The following SPTLC1 variants were observed in gnomAD, a reference collection of about 807,000 sequenced individuals.
SPTLC1 encodes serine palmitoyltransferase long chain base subunit 1, also known as serine palmitoyltransferase 1.
A neutral mutation model predicts 68.9 loss-of-function variants in SPTLC1; 55 were observed. That is an observed-to-expected ratio of 0.80 (90% CI 0.64 to 1.00). SPTLC1 has a LOEUF of 1.00. SPTLC1 is among the 50% of genes least tolerant of loss of function. The pLI, the probability that SPTLC1 is intolerant of heterozygous loss-of-function variation, is 0.00. For synonymous variants in SPTLC1, 197 were observed against 201.6 expected (o/e 0.98, Z 0.19); for missense variants, 449 against 573.1 (o/e 0.78, Z 2.21).
At chr9:92,071,435 A>G (rs1316267436) in intron 5 of SPTLC1, among the ~76,000 whole-genome samples, 1 of 152,136 alleles carries the variant, frequency 6.6e-6, no homozygotes, top group East Asian at 1.9e-4. Flanking sequence ...ATATCCCTAG[A>G]GACATGCACA....
At chr9:92,078,547 C>A (rs565754393) in intron 5 of SPTLC1, among the ~76,000 whole-genome samples, 2 of 152,168 alleles carry the variant, frequency 1.3e-5, no homozygotes, top group Non-Finnish European at 2.9e-5. Flanking sequence ...CAGCCTCAAC[C>A]TCCTAGGATC....
chr9:92,070,607 G>A (rs1197092608), intron 5 of SPTLC1, among the ~76,000 whole-genome samples: 3 of 151,988 alleles, frequency 2.0e-5, no homozygotes, highest in East Asian at 1.9e-4. Context: ...TCACTATCTC[G>A]GTCATCACAG....
intron 3 of SPTLC1, among the ~76,000 whole-genome samples, chr9:92,083,920 G>A (rs1835004343): frequency 6.6e-6 from 1 of 152,146 alleles, no homozygotes; most frequent in African/African-American, 2.4e-5. Flanking sequence ...ATTTCCTTGA[G>A]CAGTGGTTTG....
In SPTLC1 at chr9:92,079,590, G is replaced by C. The variant is rs776542549; in HGVS notation, c.427+426C>G. 1.1e-5 allele frequency: 17 copies of C among 1,587,842 alleles called. No homozygotes were observed. In the Admixed American group the frequency reaches 1.5e-4, roughly 14 times the overall value. ...TTCTAGAAAGATAAAAAACTACACT[G>C]TTTATCCCCCCTCCCTCCACCCCAG... On this transcript the variant is annotated intron_variant, in intron 5 of 14. Transcript: ENST00000262554.
At chr9:92,032,925 T>C (rs1338178662) in intron 14 of SPTLC1, among the ~76,000 whole-genome samples, 3 of 151,776 alleles carry the variant, frequency 2.0e-5, no homozygotes, top group Non-Finnish European at 2.9e-5. Flanking sequence ...GAATTATCTA[T>C]GTGAGGTGAG....
intron 9 of SPTLC1, among the ~76,000 whole-genome samples, chr9:92,049,315 A>C (rs1833625897): frequency 2.0e-5 from 3 of 152,186 alleles, no homozygotes; most frequent in Admixed American, 2.0e-4. Flanking sequence ...GGTTGGTAAG[A>C]CAGCTGTTCA....
intron 11 of SPTLC1, 145 bp from the exon 12 acceptor site, chr9:92,046,198 C>G: frequency 1.4e-6 from 1 of 726,902 alleles, no homozygotes. Flanking sequence ...AACCCATACT[C>G]CCCTGAAGGC....
chr9:92,078,244 C>A (rs1834753101), intron 5 of SPTLC1, among the ~76,000 whole-genome samples: 1 of 152,182 alleles, frequency 6.6e-6, no homozygotes, highest in Non-Finnish European at 1.5e-5. Flanking sequence ...CCTCAGCAAG[C>A]AGTCACAGAA....
At chr9:92,077,795 C>G (rs775198734) in intron 5 of SPTLC1, among the ~76,000 whole-genome samples, 5 of 152,204 alleles carry the variant, frequency 3.3e-5, no homozygotes, top group Non-Finnish European at 7.3e-5. Flanking sequence ...CCACCCTTAA[C>G]TCTCTCAGAA....
chr9:92,097,415 G>A (rs544413183), intron 3 of SPTLC1, among the ~76,000 whole-genome samples: 16 of 152,092 alleles, frequency 1.1e-4, no homozygotes, highest in South Asian at 2.1e-4. Flanking sequence ...ATACTCTTAC[G>A]AGGGAAAAAA....
chr9:92,063,778 C>A (rs1834183971), intron 6 of SPTLC1, among the ~76,000 whole-genome samples: 1 of 151,938 alleles, frequency 6.6e-6, no homozygotes, highest in Non-Finnish European at 1.5e-5. Flanking sequence ...TCAACCAATA[C>A]AGAAAAAGTA....
At chr9:92,052,265 A>G (rs906867916) in intron 8 of SPTLC1, among the ~76,000 whole-genome samples, 3 of 152,236 alleles carry the variant, frequency 2.0e-5, no homozygotes, top group African/African-American at 7.2e-5. Context: ...AACAGAATAG[A>G]GTCTAGAAAT....
intron 3 of SPTLC1, among the ~76,000 whole-genome samples, chr9:92,089,795 A>C (rs1200174130): frequency 6.6e-6 from 1 of 152,238 alleles, no homozygotes; most frequent in Non-Finnish European, 1.5e-5. Flanking sequence ...AATTACAAGA[A>C]GACACATGAC....
intron 12 of SPTLC1, chr9:92,038,600 G>T: frequency 3.7e-6 from 2 of 534,808 alleles, no homozygotes; most frequent in Non-Finnish European, 6.8e-6. Context: ...GCAGGACCGG[G>T]TCTCATGGCC....
intron 3 of SPTLC1, among the ~76,000 whole-genome samples, chr9:92,097,295 A>C (rs537337975): frequency 6.6e-6 from 1 of 152,368 alleles, no homozygotes. Context: ...ATCACATGAC[A>C]CAGCAATCCT....
chr9:92,072,040 A>G (rs974195801), intron 5 of SPTLC1, among the ~76,000 whole-genome samples: 2 of 152,070 alleles, frequency 1.3e-5, no homozygotes, highest in African/African-American at 4.8e-5. Flanking sequence ...CCCTTTTCAT[A>G]CTTAGCTCAC....
intron 12 of SPTLC1, 112 bp downstream of exon 12, chr9:92,045,887 C>T (rs55670424): frequency 1.1e-6 from 1 of 948,010 alleles, no homozygotes; most frequent in Non-Finnish European, 1.6e-6. Context: ...TTTTTGGTTT[C>T]TTAGCTGCAA....
At chr9:92,083,924 T>C (rs1452181852) in intron 3 of SPTLC1, among the ~76,000 whole-genome samples, 1 of 152,188 alleles carries the variant, frequency 6.6e-6, no homozygotes, top group East Asian at 1.9e-4. Flanking sequence ...CCTTGAGCAG[T>C]GGTTTGTAGT....
At chr9:92,041,683 T>C (rs1359670809) in intron 12 of SPTLC1, among the ~76,000 whole-genome samples, 2 of 152,234 alleles carry the variant, frequency 1.3e-5, no homozygotes, top group African/African-American at 4.8e-5. Flanking sequence ...TACAAGGTTA[T>C]AGATCCATTT....
Sources: allele counts gnomAD v4.1 joint callset (sites outside exome capture counted in the v4.1 genomes callset), GRCh38; gene constraint gnomAD v4.1.1; transcripts MANE v1.5; gene names NCBI Gene and HGNC (gene_info 2026-07-23, HGNC 2026-07-21).